ADAM19: variants seen among roughly 807,000 people sequenced by gnomAD.
ADAM19 encodes ADAM metallopeptidase domain 19, also known as disintegrin and metalloproteinase domain-containing protein 19.
A neutral mutation model predicts 114.7 loss-of-function variants in ADAM19; 65 were observed. The observed-to-expected ratio is 0.57, with a 90% confidence interval of 0.46 to 0.70. The LOEUF (loss-of-function observed/expected upper bound fraction) is 0.70. Among genes scored for constraint, ADAM19 ranks in the 30% least tolerant of loss-of-function variants. The pLI is 0.00. For synonymous variants in ADAM19, 466 were observed against 460.5 expected (o/e 1.01, Z -0.15); for missense variants, 1,063 against 1,204.7 (o/e 0.88, Z 1.74).
At chr5:157,523,285 A>C (rs1756355397) in intron 5 of ADAM19, among the ~76,000 whole-genome samples, 1 of 152,180 alleles carries the variant, frequency 6.6e-6, no homozygotes, top group African/African-American at 2.4e-5. Context: ...ATCTATTAGA[A>C]TATTCTACAG....
At chr5:157,565,245 C>A (rs958864428) in intron 2 of ADAM19, among the ~76,000 whole-genome samples, 1 of 151,990 alleles carries the variant, frequency 6.6e-6, no homozygotes, top group Non-Finnish European at 1.5e-5. Context: ...TCCAGAAAAA[C>A]AAATTAAAAA....
chr5:157,513,479 G>C lies in ADAM19; in HGVS notation c.693C>G (p.Asp231Glu). 3 of 1,614,056 alleles carry C rather than the reference G, an allele frequency of 1.9e-6. No individual in the cohort carries two copies. The highest frequency in any genetic ancestry group is 1.7e-6 in the Non-Finnish European group (2 of 1,179,958). The change falls in exon 8 of 23, where the codon GAC (aspartate) becomes GAG (glutamate). Residue 231 changes from aspartate (D) to glutamate (E), a missense_variant. Physicochemically the swap from Asp to Glu is conservative, Grantham distance 45. This residue lies in a region of ADAM19 where 615 missense variants were observed against 706.3 expected (regional missense o/e 0.87). Coordinates refer to ENST00000257527, the MANE Select transcript of ADAM19 (RefSeq NM_033274.5). ...LEFQKNRRDQDATKHKLIEIA... is the reference protein window; with the variant it reads ...LEFQKNRRDQEATKHKLIEIA... The stretch of plus-strand genomic sequence containing the variant: ...TCTCTATGAGCTTGTGTTTGGTGGC[G>C]TCCTGGTCTCGTCGATTCTTCTGAA...
At chr5:157,553,438 A>T (rs1361670726) in intron 3 of ADAM19, among the ~76,000 whole-genome samples, 3 of 152,276 alleles carry the variant, frequency 2.0e-5, no homozygotes, top group African/African-American at 7.2e-5. Flanking sequence ...TGATAAAGGT[A>T]CATGGAGACA....
At position 157,479,413 on chromosome 5, in the gene ADAM19, G is replaced by A; in HGVS notation, c.*1536C>T. The A allele has an allele frequency of 3.0e-6, 3 of 986,008 alleles. No individual in the cohort carries two copies. 61.1% of individuals were successfully genotyped at this position (986,008 alleles called of 1,614,324 possible). On this transcript the variant is annotated 3_prime_UTR_variant, in exon 23 of 23. Coordinates refer to ENST00000257527, the MANE Select transcript of ADAM19 (RefSeq NM_033274.5). ...CATGGCAGGATGGGAGGAGGCCCCA[G>A]GAAAGCCTCAGAGGAGTGAGAGTCA... is the stretch of plus-strand genomic sequence containing the variant.
chr5:157,530,963 T>C, intron 4 of ADAM19, 80 bp from the exon 5 acceptor site: 2 of 1,250,840 alleles, frequency 1.6e-6, no homozygotes, highest in Non-Finnish European at 2.4e-6. Context: ...TGGTCATGGA[T>C]GACTCATGGC....
chr5:157,571,468 T>C (rs1185407213), intron 1 of ADAM19, among the ~76,000 whole-genome samples: 1 of 152,064 alleles, frequency 6.6e-6, no homozygotes, highest in East Asian at 1.9e-4. Flanking sequence ...GGGTAGCTAG[T>C]AAATGAAAGA....
At chr5:157,529,608 G>C (rs902547909) in intron 5 of ADAM19, among the ~76,000 whole-genome samples, 2 of 152,176 alleles carry the variant, frequency 1.3e-5, no homozygotes, top group Non-Finnish European at 2.9e-5. Context: ...AGGTAAAGTT[G>C]ATGCTGCCCA....
intron 10 of ADAM19, 100 bp downstream of exon 10, chr5:157,506,956 C>T: frequency 1.9e-6 from 2 of 1,077,466 alleles, no homozygotes; most frequent in South Asian, 2.8e-5. Context: ...GCTTTTTCTG[C>T]TACAATAATA....
intron 8 of ADAM19, among the ~76,000 whole-genome samples, chr5:157,512,652 T>C (rs1184104359): frequency 6.6e-6 from 1 of 152,250 alleles, no homozygotes; most frequent in Non-Finnish European, 1.5e-5. Flanking sequence ...CCCGTTCTAG[T>C]AAAATTCAAA....
intron 3 of ADAM19, among the ~76,000 whole-genome samples, chr5:157,548,726 T>A (rs140452765): frequency 1.3e-5 from 2 of 152,330 alleles, no homozygotes; most frequent in East Asian, 3.9e-4. Context: ...GTAGTTTCAT[T>A]TTCAGGACAG....
chr5:157,481,720 T>C, intron 22 of ADAM19, 71 bp downstream of exon 22: 1 of 1,551,912 alleles, frequency 6.4e-7, no homozygotes, highest in Non-Finnish European at 8.7e-7. Flanking sequence ...CTTTGTTTTC[T>C]CAACTCTACA....
At chr5:157,527,424 A>T (rs1756497594) in intron 5 of ADAM19, among the ~76,000 whole-genome samples, 1 of 151,960 alleles carries the variant, frequency 6.6e-6, no homozygotes, top group African/African-American at 2.4e-5. Context: ...GTTAGCCAGG[A>T]TGGTCTCGAT....
intron 2 of ADAM19, chr5:157,568,410 AT>A (rs1757728791): frequency 6.6e-6 from 1 of 152,224 alleles, no homozygotes; most frequent in Non-Finnish European, 1.5e-5. Context: ...ATGAAACTGC[AT>A]TTTAAGGATC....
chr5:157,490,470 C>A lies in ADAM19; in HGVS notation c.2096-16G>T, dbSNP rs772032005. 62 of 1,611,472 alleles carry A rather than the reference C, an allele frequency of 3.8e-5. No individual in the cohort carries two copies. Among genetic ancestry groups the A allele is most frequent in the African/African-American group, 5.3e-5 (4 of 74,862 alleles). On this transcript the variant is annotated splice_polypyrimidine_tract_variant and intron_variant, in intron 18 of 22. Transcript: ENST00000257527. ...GGACCCACACCTTCCAGAAACAGAACCCAAGTGGGAGATTTAGAAGCTGTC... is the reference window on the plus strand; with the variant it reads ...GGACCCACACCTTCCAGAAACAGAAACCAAGTGGGAGATTTAGAAGCTGTC...
chr5:157,496,819 C>G (rs533755895), intron 14 of ADAM19, 75 bp downstream of exon 14: 1 of 1,389,918 alleles, frequency 7.2e-7, no homozygotes, highest in African/African-American at 1.5e-5. Context: ...AGATTCCAAA[C>G]TACCCTGAGG....
intron 8 of ADAM19, 124 bp from the exon 9 acceptor site, chr5:157,509,591 A>C: frequency 1.2e-6 from 1 of 823,674 alleles, no homozygotes; most frequent in Non-Finnish European, 1.7e-6. Flanking sequence ...AATAAAAATA[A>C]ATTTAAAAAA....
At chr5:157,512,565 G>A (rs1158099484) in intron 8 of ADAM19, among the ~76,000 whole-genome samples, 11 of 152,080 alleles carry the variant, frequency 7.2e-5, no homozygotes, top group Non-Finnish European at 1.2e-4. Flanking sequence ...TGTCATTCTA[G>A]GTTACCTATT....
chr5:157,502,852 C>T lies in ADAM19; in HGVS notation c.1259G>A (p.Gly420Glu). The change falls in exon 12 of 23, where the codon GGG becomes GAG. Residue 420 changes from glycine to glutamate, a missense_variant. Gly to Glu is a moderately conservative substitution (Grantham distance 98). Around this residue, in one of 3 missense-constraint regions of ADAM19, gnomAD observed 615 missense variants for 706.3 expected, o/e 0.87. Coordinates refer to ENST00000257527, the MANE Select transcript of ADAM19 (RefSeq NM_033274.5). ...TTCCCCATCTTCCAGATACCCGTTC[C>T]CACACCTCCGGCCTCCATACAACAT... Reference protein sequence around the residue: ...TRMLYGGRRCGNGYLEDGEEC... With the variant: ...TRMLYGGRRCENGYLEDGEEC... 4 of 1,614,206 alleles carry T rather than the reference C, an allele frequency of 2.5e-6. No homozygotes were observed. The highest frequency in any genetic ancestry group is 2.5e-6 in the Non-Finnish European group (3 of 1,180,030).
Position 157,575,616 on chromosome 5 carries a change from C to A in ADAM19, c.81G>T (p.Glu27Asp). The change falls in exon 1 of 23, where the codon GAG becomes GAT. Residue 27 changes from glutamate to aspartate, a missense_variant. Coordinates refer to ENST00000257527, the MANE Select transcript of ADAM19 (RefSeq NM_033274.5). ...LQPLRPRAAR[E>D]PGWTRGSEEG... is the part of the protein sequence containing the mutation. ...CTGGCCACTTACTTGTCCATCCAGG[C>A]TCCCGCGCCGCCCGCGGCCGGAGGG... 6.9e-7 allele frequency: 1 copy of A among 1,450,220 alleles called. No homozygotes were observed. The allele number at this position is 1,450,220 out of a possible 1,614,324, so 89.8% of individuals were successfully genotyped here.
Sources: allele counts gnomAD v4.1 joint callset (sites outside exome capture counted in the v4.1 genomes callset), GRCh38; gene constraint gnomAD v4.1.1; regional missense constraint gnomAD v4.1.1; transcripts MANE v1.5; gene names NCBI Gene and HGNC (gene_info 2026-07-23, HGNC 2026-07-21).